The following TGFB2 variants were observed in gnomAD, a reference collection of about 807,000 sequenced individuals.
The protein encoded by TGFB2 is transforming growth factor beta-2 proprotein.
In TGFB2, 13 loss-of-function variants were observed where a neutral mutation model predicts 42.7. That is an observed-to-expected ratio of 0.30 (90% CI 0.20 to 0.48). TGFB2 has a LOEUF of 0.48. TGFB2 is among the 20% of genes least tolerant of loss of function. The probability of loss-of-function intolerance (pLI) is 0.99; values close to 1 mark genes in which losing one functional copy is unlikely to be tolerated. For missense variants in TGFB2, 390 were observed against 517.5 expected, an observed-to-expected ratio of 0.75 and a Z score of 2.39; for synonymous variants, 193 against 193.6, an observed-to-expected ratio of 1.00 and a Z score of 0.03.
chr1:218,435,226 A>C (rs183620577), intron 4 of TGFB2, among the ~76,000 whole-genome samples: 3 of 152,286 alleles, frequency 2.0e-5, no homozygotes, highest in Admixed American at 2.0e-4. Flanking sequence ...CTTTTAGAAG[A>C]CTACAGCAGC....
At chr1:218,440,546 A>G (rs1660119718) in intron 6 of TGFB2, among the ~76,000 whole-genome samples, 1 of 152,190 alleles carries the variant, frequency 6.6e-6, no homozygotes, top group Non-Finnish European at 1.5e-5. Context: ...CACCGTGCCC[A>G]GCCTGTAGAA....
chr1:218,346,010 C>A lies in TGFB2; in HGVS notation c.-692C>A, dbSNP rs1174367143. Among the ~76,000 whole-genome samples the A allele has an allele frequency of 6.6e-6, 1 of 151,720 alleles. No individual in the cohort carries two copies. Among genetic ancestry groups the A allele is most frequent in the Non-Finnish European group, 1.5e-5 (1 of 67,914 alleles). On this transcript the variant is annotated 5_prime_UTR_variant, in exon 1 of 7. Coordinates refer to ENST00000366930, the MANE Select transcript of TGFB2 (RefSeq NM_003238.6). The surrounding 1 kb of genome is among the most constrained non-coding windows in gnomAD (Gnocchi z 4.9). Reference sequence around the variant, plus strand: ...AGTACCGAGCGCCCTGCGAAGCGCACCCTCCTCCCCGCGGTGCGCTGGGCT... The same window carrying A: ...AGTACCGAGCGCCCTGCGAAGCGCAACCTCCTCCCCGCGGTGCGCTGGGCT...
At chr1:218,356,805 T>C (rs1430182702) in intron 1 of TGFB2, among the ~76,000 whole-genome samples, 3 of 152,156 alleles carry the variant, frequency 2.0e-5, no homozygotes, top group Non-Finnish European at 4.4e-5. Context: ...GTTATACTCA[T>C]GTAGACCTCA....
At chr1:218,425,889 C>T (rs1042626971) in intron 2 of TGFB2, among the ~76,000 whole-genome samples, 8 of 152,182 alleles carry the variant, frequency 5.3e-5, no homozygotes, top group African/African-American at 1.9e-4. Flanking sequence ...TGAGGTCAGG[C>T]AGATCTGAGA....
chr1:218,370,507 A>G (rs948868663), intron 1 of TGFB2, among the ~76,000 whole-genome samples: 3 of 152,220 alleles, frequency 2.0e-5, no homozygotes, highest in Non-Finnish European at 4.4e-5. Context: ...TTGTTATTCA[A>G]AGTTGATATA....
At chr1:218,362,389 G>A (rs927096861) in intron 1 of TGFB2, among the ~76,000 whole-genome samples, 3 of 152,134 alleles carry the variant, frequency 2.0e-5, no homozygotes, top group African/African-American at 7.2e-5. Context: ...TTAGACAACT[G>A]CTCATATTCC....
intron 1 of TGFB2, among the ~76,000 whole-genome samples, chr1:218,374,633 T>C (rs1657682944): frequency 6.6e-6 from 1 of 152,248 alleles, no homozygotes; most frequent in South Asian, 2.1e-4. Flanking sequence ...AGCTGACTTT[T>C]GCTTTACTCT....
chr1:218,373,581 A>G (rs1253673759), intron 1 of TGFB2, among the ~76,000 whole-genome samples: 1 of 152,032 alleles, frequency 6.6e-6, no homozygotes, highest in East Asian at 1.9e-4. Context: ...AAACACTATT[A>G]TTATTCTAAA....
intron 1 of TGFB2, among the ~76,000 whole-genome samples, chr1:218,392,069 C>G (rs1003228602): frequency 6.6e-6 from 1 of 152,222 alleles, no homozygotes; most frequent in South Asian, 2.1e-4. Context: ...CTGGCTTGAT[C>G]GGCCAGGCAC....
intron 1 of TGFB2, among the ~76,000 whole-genome samples, chr1:218,362,665 G>C (rs1231930399): frequency 6.6e-6 from 1 of 152,206 alleles, no homozygotes; most frequent in African/African-American, 2.4e-5. Flanking sequence ...GGGAGGGGGT[G>C]TGCTTTCTTT....
chr1:218,379,372 G>T (rs1375405368), intron 1 of TGFB2, among the ~76,000 whole-genome samples: 4 of 151,806 alleles, frequency 2.6e-5, no homozygotes, highest in Non-Finnish European at 5.9e-5. Context: ...CTGACCTCAT[G>T]ATCCACCCGC....
chr1:218,410,036 G>A (rs907817643), intron 2 of TGFB2, among the ~76,000 whole-genome samples: 2 of 152,220 alleles, frequency 1.3e-5, no homozygotes, highest in African/African-American at 4.8e-5. Flanking sequence ...CCTTCAAGGG[G>A]ATTCTGATTT....
chr1:218,360,248 ATTT>A (rs1232933921), intron 1 of TGFB2, among the ~76,000 whole-genome samples: 2 of 152,164 alleles, frequency 1.3e-5, no homozygotes, highest in African/African-American at 2.4e-5. Flanking sequence ...AACACTGTGT[ATTT>A]TTGTTTTGTT....
intron 2 of TGFB2, among the ~76,000 whole-genome samples, chr1:218,423,993 GCAC>G (rs1406799174): frequency 6.6e-6 from 1 of 152,224 alleles, no homozygotes; most frequent in Admixed American, 6.5e-5. Flanking sequence ...AAGGCACTTG[GCAC>G]AGCCCTATGG....
chr1:218,362,616 C>G (rs541874307), intron 1 of TGFB2, among the ~76,000 whole-genome samples: 2 of 152,178 alleles, frequency 1.3e-5, no homozygotes, highest in Non-Finnish European at 2.9e-5. Flanking sequence ...GTTTTGAACA[C>G]TCAGCAATAT....
chr1:218,385,634 T>C (rs7554528), intron 1 of TGFB2, among the ~76,000 whole-genome samples: 2,424 of 152,126 alleles, frequency 0.016, 71 homozygotes, highest in African/African-American at 0.054. Context: ...ACACAGAGGG[T>C]GTCTTTGGCT....
Position 218,441,542 on chromosome 1 carries a change from A to C in TGFB2, c.*180A>C. On this transcript the variant is annotated 3_prime_UTR_variant, in exon 7 of 7. Coordinates refer to ENST00000366930, the MANE Select transcript of TGFB2 (RefSeq NM_003238.6). ...GGAAGTTTGTGTTCTGTTTGTTAAA[A>C]CTGGCATCTGACACAAAAAAAGTTG... The C allele has an allele frequency of 1.9e-6, 1 of 518,034 alleles. No homozygotes were observed. Among genetic ancestry groups the C allele is most frequent in the Non-Finnish European group, 3.1e-6 (1 of 322,328 alleles). The allele number at this position is 518,034 out of a possible 1,614,324, so 32.1% of individuals were successfully genotyped here.
intron 1 of TGFB2, among the ~76,000 whole-genome samples, chr1:218,390,306 A>C (rs1410091050): frequency 9.9e-5 from 15 of 152,034 alleles, no homozygotes; most frequent in East Asian, 9.7e-4. Context: ...GAAAACAGAG[A>C]GAGCTATATG....
chr1:218,373,178 CAA>C (rs545132702), intron 1 of TGFB2, among the ~76,000 whole-genome samples: 62 of 151,774 alleles, frequency 4.1e-4, no homozygotes, highest in African/African-American at 1.4e-3. Context: ...AGCTCCGTCT[CAA>C]AAAAAAGTTT....
Sources: gnomAD v4.1 joint callset for allele counts (sites outside exome capture counted in the v4.1 genomes callset) on GRCh38, gnomAD v4.1.1 for gene constraint, Gnocchi (gnomAD v3.1) non-coding constraint, MANE v1.5 for transcripts, NCBI Gene and HGNC (gene_info 2026-07-23, HGNC 2026-07-21) for gene names.